ABHD18: variants seen among roughly 807,000 people sequenced by gnomAD.
The protein encoded by ABHD18 is abhydrolase domain containing 18.
Under a neutral mutation model 65.9 loss-of-function variants are expected in ABHD18, and 55 were observed. The observed-to-expected ratio is 0.84, with a 90% CI of 0.67 to 1.05. ABHD18 has a LOEUF of 1.05. Among genes scored for constraint, ABHD18 ranks in the 50% least tolerant of loss-of-function variants. The pLI, the probability that ABHD18 is intolerant of heterozygous loss-of-function variation, is 0.00. For missense variants in ABHD18, 533 were observed against 558.5 expected (o/e 0.95, Z 0.46); for synonymous variants, 181 against 180.2 (o/e 1.00, Z -0.04).
intron 10 of ABHD18, among the ~76,000 whole-genome samples, chr4:128,025,243 A>G (rs1757176265): frequency 1.3e-5 from 2 of 151,648 alleles, no homozygotes; most frequent in African/African-American, 4.8e-5. Context: ...TGGCTCTGTC[A>G]CCTTCTACCT....
intron 4 of ABHD18, among the ~76,000 whole-genome samples, chr4:127,995,159 C>T (rs888014513): frequency 6.6e-6 from 1 of 152,182 alleles, no homozygotes; most frequent in Non-Finnish European, 1.5e-5. Flanking sequence ...GGATTACAGG[C>T]GTGAGCCACT....
chr4:127,993,328 G>A (rs982162270), intron 4 of ABHD18, among the ~76,000 whole-genome samples: 1 of 152,146 alleles, frequency 6.6e-6, no homozygotes, highest in South Asian at 2.1e-4. Context: ...GGAAATTGAG[G>A]AACGGTTCTT....
chr4:127,989,911 A>C, intron 4 of ABHD18, 90 bp downstream of exon 4: 1 of 760,210 alleles, frequency 1.3e-6, no homozygotes, highest in East Asian at 2.8e-5. Context: ...AATTAGGAGT[A>C]ACAAGGCAGG....
chr4:128,020,102 A>G lies in ABHD18; in HGVS notation c.632A>G (p.Asn211Ser), dbSNP rs1015969705. Residue 211 changes from asparagine to serine, a missense_variant, in exon 9 of 13, where the codon AAC becomes AGC. Asn to Ser is a conservative substitution (Grantham distance 46, BLOSUM62 1). Coordinates refer to ENST00000645843, the MANE Select transcript of ABHD18 (RefSeq NM_001358451.3). The stretch of plus-strand genomic sequence containing the variant: ...CAGATGGCTTCCTTAGCGGTATCCA[A>G]CTGGCCTAAGCCCATGCCATTGATT... ...GGHMASLAVS[N>S]WPKPMPLIPC... The G allele has an allele frequency of 8.7e-6, 14 of 1,612,982 alleles. No individual in the cohort carries two copies. The highest frequency in any genetic ancestry group is 1.2e-5 in the Non-Finnish European group (14 of 1,179,374).
In ABHD18 at chr4:128,036,393, T is replaced by G. The variant is rs1035503572; in HGVS notation, c.*580T>G. 6.6e-6 allele frequency: 1 copy of G among 152,214 alleles called. No individual in the cohort carries two copies. The highest frequency in any genetic ancestry group is 1.5e-5 in the Non-Finnish European group (1 of 68,038). The allele number at this position is 152,214 out of a possible 1,614,324, so 9.4% of individuals were successfully genotyped here. A position where few individuals can be genotyped will look rare whatever the true frequency, so the allele number is the denominator to read the frequency against. ...ATAAGTGCTTTTCTTTTTCTTTTTTTTTTCTTTTAACATGTACCTCTACTT... is the reference window on the plus strand; with the variant it reads ...ATAAGTGCTTTTCTTTTTCTTTTTTGTTTCTTTTAACATGTACCTCTACTT... On this transcript the variant is annotated 3_prime_UTR_variant, in exon 13 of 13. Transcript: ENST00000645843.
At chr4:128,006,773 C>T (rs1157151157) in intron 4 of ABHD18, among the ~76,000 whole-genome samples, 1 of 152,160 alleles carries the variant, frequency 6.6e-6, no homozygotes, top group Non-Finnish European at 1.5e-5. Context: ...CTTAATGCCA[C>T]TGAATCATAC....
intron 4 of ABHD18, among the ~76,000 whole-genome samples, chr4:127,992,910 C>T (rs192730568): frequency 5.3e-5 from 8 of 152,006 alleles, no homozygotes; most frequent in Admixed American, 2.0e-4. Flanking sequence ...GCCTGAGCAA[C>T]GTAGAAAGAC....
At chr4:128,004,836 G>A (rs902927210) in intron 4 of ABHD18, among the ~76,000 whole-genome samples, 23 of 152,120 alleles carry the variant, frequency 1.5e-4, no homozygotes, top group East Asian at 5.8e-4. Context: ...ACTTGAGCCC[G>A]GAGGTGGAGG....
chr4:128,004,760 A>C (rs1033413599), intron 4 of ABHD18, among the ~76,000 whole-genome samples: 1 of 149,976 alleles, frequency 6.7e-6, no homozygotes, highest in African/African-American at 2.5e-5. Flanking sequence ...AAAATACAAA[A>C]ATTAGCTGGT....
chr4:128,003,417 A>T (rs1442866179), intron 4 of ABHD18, among the ~76,000 whole-genome samples: 1 of 152,072 alleles, frequency 6.6e-6, no homozygotes, highest in East Asian at 1.9e-4. Context: ...TTAAATTAAA[A>T]TACATATTGT....
intron 3 of ABHD18, among the ~76,000 whole-genome samples, chr4:127,986,306 A>G (rs1749945959): frequency 6.6e-6 from 1 of 152,190 alleles, no homozygotes; most frequent in Non-Finnish European, 1.5e-5. Context: ...TTCACTTAGC[A>G]TAATGTTTTC....
chr4:127,972,520 CTTTTTTTTTTTTTT>C (rs11286287), intron 1 of ABHD18, among the ~76,000 whole-genome samples: 3 of 60,872 alleles, frequency 4.9e-5, no homozygotes, highest in African/African-American at 6.8e-5. Context: ...CAGATATACT[CTTTTTTTTTTTTTT>C]TTTTTTTTTT....
intron 1 of ABHD18, among the ~76,000 whole-genome samples, chr4:127,977,056 TAATTA>T (rs906286905): frequency 2.0e-5 from 3 of 151,878 alleles, no homozygotes; most frequent in African/African-American, 4.8e-5. Context: ...AAAAAAAAAC[TAATTA>T]AATAATAAAA....
intron 7 of ABHD18, among the ~76,000 whole-genome samples, chr4:128,016,519 A>G (rs1411048635): frequency 6.6e-6 from 1 of 152,144 alleles, no homozygotes; most frequent in African/African-American, 2.4e-5. Context: ...TCACGCCTGT[A>G]ATCCCAGCAC....
chr4:128,008,518 A>G (rs1030126319), intron 4 of ABHD18, among the ~76,000 whole-genome samples: 49 of 151,770 alleles, frequency 3.2e-4, no homozygotes, highest in African/African-American at 1.1e-3. Context: ...CAGGTGATCC[A>G]CCCATATTGG....
chr4:128,012,483 A>T (rs1436586003), intron 7 of ABHD18, among the ~76,000 whole-genome samples: 1 of 152,236 alleles, frequency 6.6e-6, no homozygotes, highest in Non-Finnish European at 1.5e-5. Context: ...TGCAACAATA[A>T]GACAACATTT....
intron 4 of ABHD18, 69 bp downstream of exon 4, chr4:127,989,890 A>G (rs1750637430): frequency 1.0e-6 from 1 of 954,406 alleles, no homozygotes; most frequent in Non-Finnish European, 1.5e-6. Flanking sequence ...TATCAACACT[A>G]TGTTATTTGA....
chr4:128,025,931 G>A (rs1757279321), intron 10 of ABHD18, among the ~76,000 whole-genome samples: 1 of 152,138 alleles, frequency 6.6e-6, no homozygotes, highest in African/African-American at 2.4e-5. Flanking sequence ...GCCGAGGTGG[G>A]CAGATCATGA....
At chr4:128,016,897 G>T (rs182873058) in intron 7 of ABHD18, among the ~76,000 whole-genome samples, 260 of 152,184 alleles carry the variant, frequency 1.7e-3, no homozygotes, top group African/African-American at 6.0e-3. Flanking sequence ...GTAATCCAAT[G>T]TTAGCAGCTG....
Sources: gnomAD v4.1 joint callset for allele counts (sites outside exome capture counted in the v4.1 genomes callset) on GRCh38, gnomAD v4.1.1 for gene constraint, MANE v1.5 for transcripts, NCBI Gene and HGNC (gene_info 2026-07-23, HGNC 2026-07-21) for gene names.